EPHA6: variants seen among roughly 807,000 people sequenced by gnomAD.
The protein encoded by EPHA6 is EPH receptor A6.
EPHA6 carries 50 observed loss-of-function variants against 112.0 expected under a neutral mutation model. The observed-to-expected ratio is 0.45, with a 90% CI of 0.36 to 0.56. The LOEUF (loss-of-function observed/expected upper bound fraction) is 0.56, where lower values mean the gene tolerates loss of function less well. Among genes scored for constraint, EPHA6 ranks in the 20% least tolerant of loss-of-function variants. The pLI is 0.00. For synonymous variants in EPHA6, 529 were observed against 490.7 expected, an observed-to-expected ratio of 1.08 and a Z score of -1.03; for missense variants, 1,280 against 1,417.4, an observed-to-expected ratio of 0.90 and a Z score of 1.56.
intron 9 of EPHA6, chr3:97,481,539 C>T (rs1236709450): frequency 2.5e-6 from 2 of 799,134 alleles, no homozygotes; most frequent in Non-Finnish European, 4.3e-6. Context: ...GCCCGGGGGT[C>T]CCTAGAGCCG....
chr3:96,888,508 G>T (rs560308257), intron 2 of EPHA6, among the ~76,000 whole-genome samples: 2 of 152,220 alleles, frequency 1.3e-5, no homozygotes, highest in South Asian at 2.1e-4. Context: ...CTTGACTTCT[G>T]TGCACTGGCA....
chr3:97,013,722 A>C (rs1380899042), intron 3 of EPHA6, among the ~76,000 whole-genome samples: 1 of 152,208 alleles, frequency 6.6e-6, no homozygotes, highest in Non-Finnish European at 1.5e-5. Context: ...CAAAATTGAT[A>C]ATCTTGAATA....
rs560956003 is a variant in EPHA6, at chr3:96,889,271, C to T, written c.450+22382C>T. Reference sequence around the variant, plus strand: ...CCAACCTGTGCCTGTTACCCAATTCCGAAGTTGCTTCCACATTTTTGGGTA... The same window carrying T: ...CCAACCTGTGCCTGTTACCCAATTCTGAAGTTGCTTCCACATTTTTGGGTA... On this transcript the variant is annotated intron_variant, in intron 2 of 17. Transcript: ENST00000389672. 1.1e-4 allele frequency among the ~76,000 whole-genome samples: 16 copies of T among 152,256 alleles called. 1 individual carries two copies. Among genetic ancestry groups the T allele is most frequent in the South Asian group, 1.0e-3 (5 of 4,830 alleles).
intron 10 of EPHA6, 143 bp downstream of exon 10, chr3:97,484,202 AT>A (rs765779973): frequency 5.3e-5 from 35 of 656,852 alleles, no homozygotes; most frequent in South Asian, 2.1e-4. Context: ...TGTATATGTT[AT>A]TTTTTTTAAG....
At chr3:97,633,257 C>T (rs2093918757) in intron 13 of EPHA6, among the ~76,000 whole-genome samples, 1 of 151,812 alleles carries the variant, frequency 6.6e-6, no homozygotes, top group Non-Finnish European at 1.5e-5. Context: ...AGGGTAAAAT[C>T]CATGTTTCTT....
At chr3:96,872,123 C>G (rs1181346906) in intron 2 of EPHA6, among the ~76,000 whole-genome samples, 1 of 152,186 alleles carries the variant, frequency 6.6e-6, no homozygotes, top group South Asian at 2.1e-4. Flanking sequence ...TGAACAGCCT[C>G]CTGCACAAAA....
At chr3:97,212,317 G>A (rs2077899282) in intron 3 of EPHA6, among the ~76,000 whole-genome samples, 1 of 152,082 alleles carries the variant, frequency 6.6e-6, no homozygotes, top group African/African-American at 2.4e-5. Flanking sequence ...ACATATCTGG[G>A]AATATAACAT....
At chr3:97,508,815 A>G (rs1457688582) in intron 10 of EPHA6, among the ~76,000 whole-genome samples, 8 of 151,920 alleles carry the variant, frequency 5.3e-5, no homozygotes, top group South Asian at 2.1e-4. Flanking sequence ...GTCTCTAAGA[A>G]CTTGTTTTAT....
At position 97,615,467 on chromosome 3, in the gene EPHA6, G is replaced by A. The variant is rs535344518; in HGVS notation, c.2574+4613G>A. Among the ~76,000 whole-genome samples, 6 of 152,284 alleles carry A rather than the reference G, an allele frequency of 3.9e-5. No individual in the cohort carries two copies. In the East Asian group the frequency reaches 7.8e-4, roughly 20 times the overall value. ...GGAGCTGAATCCAGGGGGCAGAGCA[G>A]CATCGGTCTGCAGGCCCCACCTCCA... On this transcript the variant is annotated intron_variant, in intron 13 of 17. Transcript: ENST00000389672.
chr3:97,458,056 A>G (rs529805520), intron 7 of EPHA6, among the ~76,000 whole-genome samples: 2 of 118,684 alleles, frequency 1.7e-5, no homozygotes, highest in East Asian at 5.7e-4. Context: ...CGACAGTGCG[A>G]GACTCCGTCT....
intron 3 of EPHA6, among the ~76,000 whole-genome samples, chr3:97,167,446 A>C (rs1287004041): frequency 6.6e-6 from 1 of 151,946 alleles, no homozygotes; most frequent in Non-Finnish European, 1.5e-5. Context: ...AGCCTCCATA[A>C]ATATTTATTT....
intron 5 of EPHA6, among the ~76,000 whole-genome samples, chr3:97,304,405 C>A (rs1187394688): frequency 6.6e-6 from 1 of 151,904 alleles, no homozygotes; most frequent in African/African-American, 2.4e-5. Context: ...CTTTAAAATT[C>A]ATATGGAACC....
At position 97,756,121 on chromosome 3, in the gene EPHA6, C is replaced by T. The variant is rs944635727; in HGVS notation, c.*7420C>T. ...TTATTTTTCAAAGTAGTAACTTTTG[C>T]TATCTTTAGAATTCTCATCTACCCA... is the stretch of plus-strand genomic sequence containing the variant. On this transcript the variant is annotated 3_prime_UTR_variant, in exon 18 of 18. Coordinates refer to ENST00000389672, the MANE Select transcript of EPHA6 (RefSeq NM_001080448.3). 6.6e-6 allele frequency among the ~76,000 whole-genome samples: 1 copy of T among 151,922 alleles called. No individual in the cohort carries two copies. Among genetic ancestry groups the T allele is most frequent in the Non-Finnish European group, 1.5e-5 (1 of 67,854 alleles).
chr3:96,905,491 T>G (rs1421320218), intron 2 of EPHA6, among the ~76,000 whole-genome samples: 1 of 152,006 alleles, frequency 6.6e-6, no homozygotes, highest in Non-Finnish European at 1.5e-5. Context: ...ATGTGAAATA[T>G]TATTATGTCT....
At chr3:96,984,418 C>A (rs1210277714) in intron 2 of EPHA6, among the ~76,000 whole-genome samples, 5 of 152,110 alleles carry the variant, frequency 3.3e-5, no homozygotes, top group Admixed American at 2.6e-4. Flanking sequence ...CTGGAAGCTT[C>A]ATCTCTGAGG....
In EPHA6 at chr3:97,405,167, G is replaced by A. The variant is rs938702149; in HGVS notation, c.1624G>A (p.Val542Met). ...CCTTTCAGCACCTTCCCTGATAGGT[G>A]TGGTAAGGAAGGACTGGGCATCCCA... is the stretch of plus-strand genomic sequence containing the variant. ...TDQDAPSLIG[V>M]VRKDWASQNS... is the part of the protein sequence containing the mutation. The change falls in exon 6 of 18, where the codon GTG (valine) becomes ATG (methionine). Residue 542 changes from valine (V) to methionine (M), a missense_variant. By Grantham distance (21) the Val-to-Met change is conservative (BLOSUM62 1). Transcript: ENST00000389672. The A allele has an allele frequency of 1.2e-6, 2 of 1,600,362 alleles. No individual in the cohort carries two copies. The highest frequency in any genetic ancestry group is 1.7e-6 in the Non-Finnish European group (2 of 1,172,262).
intron 3 of EPHA6, among the ~76,000 whole-genome samples, chr3:97,015,200 T>A (rs2044224555): frequency 6.6e-6 from 1 of 152,198 alleles, no homozygotes; most frequent in South Asian, 2.1e-4. Flanking sequence ...CAATAAAGTA[T>A]TGTAGAAGAA....
intron 1 of EPHA6, among the ~76,000 whole-genome samples, chr3:96,824,014 T>C (rs898478404): frequency 1.3e-4 from 20 of 151,996 alleles, no homozygotes; most frequent in Middle Eastern, 3.4e-3. Context: ...TGATAACTTA[T>C]TGTCTTACTG....
chr3:97,545,320 T>G (rs959276065), intron 11 of EPHA6, among the ~76,000 whole-genome samples: 2 of 152,178 alleles, frequency 1.3e-5, no homozygotes, highest in African/African-American at 4.8e-5. Flanking sequence ...ATTTCATTAT[T>G]TACCCAGTAG....
Sources: gnomAD v4.1 joint callset for allele counts (sites outside exome capture counted in the v4.1 genomes callset) on GRCh38, gnomAD v4.1.1 for gene constraint, MANE v1.5 for transcripts, NCBI Gene and HGNC (gene_info 2026-07-23, HGNC 2026-07-21) for gene names.